The following ZNF354B variants were observed in gnomAD, a reference collection of about 807,000 sequenced individuals.
ZNF354B encodes the protein zinc finger protein 354B.
A neutral mutation model predicts 12.9 loss-of-function variants in ZNF354B; 10 were observed. That is an observed-to-expected ratio of 0.77 (90% CI 0.48 to 1.31). The LOEUF is 1.31. Ranked by LOEUF, ZNF354B falls within the 40% of genes most tolerant of loss-of-function variation. ZNF354B has a pLI of 0.00. For synonymous variants in ZNF354B, 260 were observed against 243.7 expected, an observed-to-expected ratio of 1.07 and a Z score of -0.62; for missense variants, 614 against 711.7, an observed-to-expected ratio of 0.86 and a Z score of 1.56.
intron 4 of ZNF354B, among the ~76,000 whole-genome samples, chr5:178,880,911 T>G (rs558961349): frequency 1.4e-4 from 20 of 147,352 alleles, no homozygotes; most frequent in Non-Finnish European, 7.4e-5. Context: ...GGTGTGATCT[T>G]GGCTCACTGC....
chr5:178,870,686 A>G (rs1757549243), intron 4 of ZNF354B, among the ~76,000 whole-genome samples: 1 of 152,232 alleles, frequency 6.6e-6, no homozygotes, highest in African/African-American at 2.4e-5. Flanking sequence ...AACTGCACAC[A>G]GGGAGGACTG....
rs1263901486 is a variant in ZNF354B, at chr5:178,884,253, A to G, written c.1801A>G (p.Ile601Val). The change falls in exon 5 of 5, where the codon ATT becomes GTT. Residue 601 changes from isoleucine to valine, a missense_variant. Transcript: ENST00000322434. Reference sequence around the variant, plus strand: ...CCTTACTAATCATTATAAAATTCACATTGAAGAGGACTCCTTAAAAGCCGA... The same window carrying G: ...CCTTACTAATCATTATAAAATTCACGTTGAAGAGGACTCCTTAAAAGCCGA... The part of the protein sequence containing the change: ...SSLTNHYKIH[I>V]EEDSLKADLH... The G allele has an allele frequency of 3.7e-6, 6 of 1,605,512 alleles. No homozygotes were observed. The highest frequency in any genetic ancestry group is 1.7e-5 in the Admixed American group (1 of 58,752).
intron 4 of ZNF354B, among the ~76,000 whole-genome samples, chr5:178,877,524 A>G (rs1757656025): frequency 6.6e-6 from 1 of 152,304 alleles, no homozygotes. Context: ...ACAGAAGGGG[A>G]AAAAAGTAGG....
At chr5:178,879,328 G>A (rs1222243768) in intron 4 of ZNF354B, among the ~76,000 whole-genome samples, 1 of 149,088 alleles carries the variant, frequency 6.7e-6, no homozygotes, top group African/African-American at 2.5e-5. Context: ...ATTACAGACG[G>A]GAGCCGCTGT....
chr5:178,882,113 CTCAGTTCAT>C (rs1757727637), intron 4 of ZNF354B, among the ~76,000 whole-genome samples: 1 of 152,112 alleles, frequency 6.6e-6, no homozygotes, highest in Non-Finnish European at 1.5e-5. Flanking sequence ...GGAAGTATCC[CTCAGTTCAT>C]TTTTGCTTGA....
At chr5:178,876,320 T>G (rs1757637917) in intron 4 of ZNF354B, among the ~76,000 whole-genome samples, 1 of 152,212 alleles carries the variant, frequency 6.6e-6, no homozygotes, top group Admixed American at 6.5e-5. Context: ...AGCTGTGCAC[T>G]TCCTGGAGTT....
Position 178,861,062 on chromosome 5 carries a change from G to A in ZNF354B, c.15G>A (p.Gln5=). Residue 5 remains glutamine, a synonymous_variant, in exon 2 of 5, where the codon CAG becomes CAA. Transcript: ENST00000322434. MAAG[Q]REARPQVSLT... is the part of the protein sequence containing the mutation. ...AGAAAGAGGACATGGCTGCTGGGCAGCGGGAAGCGAGGCCCCAGGTGAGCT... is the reference window on the plus strand; with the variant it reads ...AGAAAGAGGACATGGCTGCTGGGCAACGGGAAGCGAGGCCCCAGGTGAGCT... The A allele has an allele frequency of 8.4e-7, 1 of 1,185,770 alleles. No individual in the cohort carries two copies. Among genetic ancestry groups the A allele is most frequent in the Admixed American group, 2.2e-5 (1 of 46,020 alleles). The allele number at this position is 1,185,770 out of a possible 1,614,324, so 73.5% of individuals were successfully genotyped here. A position where few individuals can be genotyped will look rare whatever the true frequency, so the allele number is the denominator to read the frequency against.
In ZNF354B at chr5:178,884,441, C is replaced by A; in HGVS notation, c.*150C>A. On this transcript the variant is annotated 3_prime_UTR_variant, in exon 5 of 5. Coordinates refer to ENST00000322434, the MANE Select transcript of ZNF354B (RefSeq NM_058230.3). Reference sequence around the variant, plus strand: ...ATAACTTATGGGAAAAGCTTTTATACTTGTCACTCACTTTTTAAAATATCC... The same window carrying A: ...ATAACTTATGGGAAAAGCTTTTATAATTGTCACTCACTTTTTAAAATATCC... 1.3e-6 allele frequency: 1 copy of A among 796,238 alleles called. No homozygotes were observed. Among genetic ancestry groups the A allele is most frequent in the Non-Finnish European group, 1.9e-6 (1 of 532,888 alleles). The allele number at this position is 796,238 out of a possible 1,614,324, so 49.3% of individuals were successfully genotyped here. A position where few individuals can be genotyped will look rare whatever the true frequency, so the allele number is the denominator to read the frequency against.
In ZNF354B at chr5:178,864,812, A is replaced by G. The variant is rs190286232; in HGVS notation, c.34-1432A>G. Among the ~76,000 whole-genome samples, 590 of 152,142 alleles carry G rather than the reference A, an allele frequency of 3.9e-3. 4 individuals carry two copies. The highest frequency in any genetic ancestry group is 0.014 in the African/African-American group (567 of 41,508). Reference sequence around the variant, plus strand: ...TAATTTTTTGTATTTTTGTAGAGACAGGGTTTCACCGTGTTGCCCAGGCTG... The same window carrying G: ...TAATTTTTTGTATTTTTGTAGAGACGGGGTTTCACCGTGTTGCCCAGGCTG... On this transcript the variant is annotated intron_variant, in intron 2 of 4. Transcript: ENST00000322434.
At chr5:178,877,145 C>T (rs11249600) in intron 4 of ZNF354B, among the ~76,000 whole-genome samples, 32,660 of 151,828 alleles carry the variant, frequency 0.22, 3,867 homozygotes, top group Non-Finnish European at 0.25. Flanking sequence ...TCTAAATTCC[C>T]CATGTGTGCA....
At chr5:178,870,859 A>G (rs1757551912) in intron 4 of ZNF354B, among the ~76,000 whole-genome samples, 2 of 151,458 alleles carry the variant, frequency 1.3e-5, no homozygotes, top group South Asian at 4.2e-4. Context: ...AGGTCTTGCT[A>G]TGCTGCCCAG....
Position 178,884,509 on chromosome 5 carries a change from A to G in ZNF354B, c.*218A>G. 2.2e-6 allele frequency: 1 copy of G among 445,712 alleles called. No individual in the cohort carries two copies. The highest frequency in any genetic ancestry group is 6.2e-5 in the South Asian group (1 of 16,196). 27.6% of individuals were successfully genotyped at this position (445,712 alleles called of 1,614,324 possible). A position where few individuals can be genotyped will look rare whatever the true frequency, so the allele number is the denominator to read the frequency against. On this transcript the variant is annotated 3_prime_UTR_variant, in exon 5 of 5. Transcript: ENST00000322434. ...GCAGACATTGAAATTGGCCATTTGT[A>G]AGATAAAAGGTATGTTTATAAAATC...
chr5:178,863,439 T>C (rs1757393970), intron 2 of ZNF354B, among the ~76,000 whole-genome samples: 1 of 152,188 alleles, frequency 6.6e-6, no homozygotes, highest in African/African-American at 2.4e-5. Context: ...AAGTAGCTAT[T>C]GTAACATTAT....
intron 2 of ZNF354B, among the ~76,000 whole-genome samples, chr5:178,865,496 T>G (rs879592751): frequency 5.1e-4 from 77 of 152,124 alleles, no homozygotes; most frequent in Non-Finnish European, 1.2e-4. Context: ...CTCGATCTCT[T>G]GACCTTGTGA....
intron 4 of ZNF354B, among the ~76,000 whole-genome samples, chr5:178,879,768 A>G (rs1757691184): frequency 6.6e-6 from 1 of 152,246 alleles, no homozygotes; most frequent in Non-Finnish European, 1.5e-5. Flanking sequence ...GTTACAAGGA[A>G]GGACAGAAAG....
At chr5:178,878,179 C>A (rs58554591) in intron 4 of ZNF354B, among the ~76,000 whole-genome samples, 22,415 of 151,836 alleles carry the variant, frequency 0.15, 2,011 homozygotes, top group African/African-American at 0.25. Flanking sequence ...GTCAGGAGAT[C>A]GAGACCATCC....
chr5:178,870,061 C>T (rs908535632), intron 4 of ZNF354B, among the ~76,000 whole-genome samples: 4 of 149,108 alleles, frequency 2.7e-5, no homozygotes, highest in African/African-American at 1.0e-4. Flanking sequence ...CCTGTGATTC[C>T]AGCACTTTGG....
intron 2 of ZNF354B, among the ~76,000 whole-genome samples, chr5:178,863,310 G>A (rs1757392467): frequency 6.6e-6 from 1 of 152,166 alleles, no homozygotes; most frequent in African/African-American, 2.4e-5. Flanking sequence ...GCATATGTAT[G>A]TGTATGTTTA....
Position 178,883,244 on chromosome 5 carries a change from T to C in ZNF354B, c.792T>C (p.His264=), listed in dbSNP as rs759607108. The change falls in exon 5 of 5, where the codon CAT becomes CAC. Residue 264 remains histidine, a synonymous_variant. Transcript: ENST00000322434. ...CTCTTATTCAACATCAAAGAACTCA[T>C]ACAGGAGAGAAACCCTATATATGTA... ...SSALIQHQRT[H]TGEKPYICKE... is the part of the protein sequence containing the mutation. The C allele has an allele frequency of 2.5e-6, 4 of 1,612,662 alleles. No homozygotes were observed. Among genetic ancestry groups the C allele is most frequent in the East Asian group, 2.2e-5 (1 of 44,882 alleles).
Sources: allele counts gnomAD v4.1 joint callset (sites outside exome capture counted in the v4.1 genomes callset), GRCh38; gene constraint gnomAD v4.1.1; transcripts MANE v1.5; gene names NCBI Gene and HGNC (gene_info 2026-07-23, HGNC 2026-07-21).